Variants in PTPRT observed in about 807,000 individuals in gnomAD.
PTPRT encodes the protein receptor-type tyrosine-protein phosphatase T.
In PTPRT, 56 loss-of-function variants were observed where a neutral mutation model predicts 176.8. That is an observed-to-expected ratio of 0.32 (90% CI 0.26 to 0.40). The LOEUF is 0.40. Ranked by LOEUF, PTPRT falls within the 10% of genes least tolerant of loss-of-function variation. PTPRT has a pLI of 1.00. For missense variants in PTPRT, 1,540 were observed against 1,908.2 expected (o/e 0.81, Z 3.60); for synonymous variants, 783 against 739.0 (o/e 1.06, Z -0.96).
intron 13 of PTPRT, among the ~76,000 whole-genome samples, chr20:42,267,914 T>C (rs1449285590): frequency 6.6e-6 from 1 of 152,214 alleles, no homozygotes; most frequent in African/African-American, 2.4e-5. Flanking sequence ...ATATTTCAAT[T>C]TCTCCAAATA....
At chr20:42,406,422 A>C (rs1236572925) in intron 9 of PTPRT, among the ~76,000 whole-genome samples, 1 of 152,120 alleles carries the variant, frequency 6.6e-6, no homozygotes, top group Non-Finnish European at 1.5e-5. Flanking sequence ...GAGAATTTCG[A>C]GAGTGATAAT....
intron 7 of PTPRT, among the ~76,000 whole-genome samples, chr20:42,622,138 AC>A (rs746824390): frequency 1.3e-5 from 2 of 152,164 alleles, no homozygotes; most frequent in Non-Finnish European, 2.9e-5. Context: ...TTGTTCCTCT[AC>A]CAGTGTCCTG....
chr20:42,374,462 G>A (rs1484333490), intron 9 of PTPRT, among the ~76,000 whole-genome samples: 2 of 151,956 alleles, frequency 1.3e-5, no homozygotes, highest in South Asian at 4.1e-4. Flanking sequence ...AAAATCATAC[G>A]GTAATAATGT....
At chr20:43,102,850 G>T (rs1263513739) in intron 1 of PTPRT, among the ~76,000 whole-genome samples, 1 of 152,168 alleles carries the variant, frequency 6.6e-6, no homozygotes. Flanking sequence ...CCTCCAGAAT[G>T]AACTACTTAA....
At chr20:42,953,823 G>A (rs1286148167) in intron 1 of PTPRT, among the ~76,000 whole-genome samples, 1 of 152,174 alleles carries the variant, frequency 6.6e-6, no homozygotes, top group Non-Finnish European at 1.5e-5. Context: ...ATTCTTCTCT[G>A]TTTAGGGGGC....
intron 2 of PTPRT, among the ~76,000 whole-genome samples, chr20:42,801,666 C>G (rs1468195714): frequency 6.6e-6 from 1 of 152,006 alleles, no homozygotes; most frequent in African/African-American, 2.4e-5. Context: ...AGGCAAGAAC[C>G]CAGACTTGAT....
At chr20:42,199,446 G>C (rs1320209269) in intron 15 of PTPRT, 58 bp from the exon 16 acceptor site, 2 of 1,562,024 alleles carry the variant, frequency 1.3e-6, no homozygotes, top group South Asian at 1.2e-5. Flanking sequence ...TTGCATTAAA[G>C]CATTGGGTAG....
At chr20:43,061,087 AATGGATGGATGG>A (rs3030304) in intron 1 of PTPRT, among the ~76,000 whole-genome samples, 9 of 149,912 alleles carry the variant, frequency 6.0e-5, no homozygotes, top group African/African-American at 1.2e-4. Context: ...CGGATAAATG[AATGGATGGATGG>A]ATGGATGGAT....
chr20:42,322,216 A>G (rs2057809533), intron 11 of PTPRT, among the ~76,000 whole-genome samples: 3 of 151,838 alleles, frequency 2.0e-5, no homozygotes, highest in Non-Finnish European at 4.4e-5. Flanking sequence ...TGCCATCCCC[A>G]TCAAGTTACC....
At chr20:42,199,171 T>G in intron 16 of PTPRT, 69 bp downstream of exon 16, 1 of 1,546,308 alleles carries the variant, frequency 6.5e-7, no homozygotes, top group Non-Finnish European at 8.8e-7. Flanking sequence ...ATGTGTGGGG[T>G]TCACAGCAGA....
chr20:42,404,030 G>T (rs2145713993), intron 9 of PTPRT, among the ~76,000 whole-genome samples: 1 of 152,184 alleles, frequency 6.6e-6, no homozygotes, highest in East Asian at 1.9e-4. Flanking sequence ...CAGAAGCCCT[G>T]GACTCAGCTG....
At chr20:42,675,405 G>A (rs561999068) in intron 7 of PTPRT, among the ~76,000 whole-genome samples, 1 of 152,254 alleles carries the variant, frequency 6.6e-6, no homozygotes, top group East Asian at 1.9e-4. Flanking sequence ...TATATCGTAG[G>A]CAATCTTACA....
chr20:42,379,890 A>T (rs1463280752), intron 9 of PTPRT, among the ~76,000 whole-genome samples: 2 of 152,208 alleles, frequency 1.3e-5, no homozygotes, highest in Non-Finnish European at 2.9e-5. Context: ...GTGATTACAA[A>T]GGCAGTCAGA....
intron 1 of PTPRT, among the ~76,000 whole-genome samples, chr20:42,988,535 C>T (rs1444199881): frequency 2.0e-5 from 3 of 152,102 alleles, no homozygotes; most frequent in Non-Finnish European, 4.4e-5. Flanking sequence ...GCAAGCAGCT[C>T]GGTCATACAA....
At chr20:43,006,067 T>C (rs1211841968) in intron 1 of PTPRT, among the ~76,000 whole-genome samples, 3 of 152,214 alleles carry the variant, frequency 2.0e-5, no homozygotes, top group African/African-American at 4.8e-5. Context: ...TACAATTCTA[T>C]ACGCAAAATA....
the PTPRT span, among the ~76,000 whole-genome samples, chr20:42,062,746 G>C: frequency 6.6e-6 from 1 of 152,116 alleles, no homozygotes; most frequent in African/African-American, 2.4e-5. Context: ...CTATACCACT[G>C]TTTCTGGGAA....
In PTPRT at chr20:42,618,140, T is replaced by C. The variant is rs1336897431; in HGVS notation, c.1153+59726A>G. 1.5e-5 allele frequency among the ~76,000 whole-genome samples: 2 copies of C among 134,492 alleles called. 1 individual carries two copies. Among genetic ancestry groups the C allele is most frequent in the African/African-American group, 6.7e-5 (2 of 30,038 alleles). 88.2% of individuals were successfully genotyped at this position (134,492 alleles called of 152,430 possible). A position where few individuals can be genotyped will look rare whatever the true frequency, so the allele number is the denominator to read the frequency against. On this transcript the variant is annotated intron_variant, in intron 7 of 30. Coordinates refer to ENST00000373187, the MANE Select transcript of PTPRT (RefSeq NM_007050.6). ...GTCCCAGAGATTCTGGTATGTCGTG[T>C]CTTTGTTCTCGTTGGTTTCAAAGAA... is the stretch of plus-strand genomic sequence containing the variant.
intron 7 of PTPRT, among the ~76,000 whole-genome samples, chr20:42,605,625 A>G (rs774060129): frequency 1.3e-5 from 2 of 152,140 alleles, no homozygotes; most frequent in African/African-American, 2.4e-5. Flanking sequence ...TTTGCAAATG[A>G]TTGATTTAAG....
chr20:42,538,788 C>A (rs1014159309), intron 7 of PTPRT, among the ~76,000 whole-genome samples: 2 of 152,166 alleles, frequency 1.3e-5, no homozygotes, highest in Admixed American at 6.5e-5. Flanking sequence ...TAATCTGCCA[C>A]TTCCAGTCCA....
Sources: allele counts gnomAD v4.1 joint callset (sites outside exome capture counted in the v4.1 genomes callset), GRCh38; gene constraint gnomAD v4.1.1; transcripts MANE v1.5; gene names NCBI Gene and HGNC (gene_info 2026-07-23, HGNC 2026-07-21).